The following ZFYVE16 variants were observed in gnomAD, a reference collection of about 807,000 sequenced individuals.
The protein encoded by ZFYVE16 is zinc finger FYVE domain-containing protein 16.
ZFYVE16 carries 89 observed loss-of-function variants against 138.1 expected under a neutral mutation model. The ratio of observed to expected loss-of-function variants is 0.64; its 90% CI spans 0.54 to 0.77. ZFYVE16 has a LOEUF of 0.77. Among genes scored for constraint, ZFYVE16 ranks in the 30% least tolerant of loss-of-function variants. The pLI, the probability that ZFYVE16 is intolerant of heterozygous loss-of-function variation, is 0.00. For missense variants in ZFYVE16, 1,793 were observed against 1,786.7 expected, an observed-to-expected ratio of 1.00 and a Z score of -0.06; for synonymous variants, 596 against 618.3, an observed-to-expected ratio of 0.96 and a Z score of 0.53.
chr5:80,453,132 GAGAA>G (rs1385847880), intron 11 of ZFYVE16, among the ~76,000 whole-genome samples: 4 of 152,166 alleles, frequency 2.6e-5, no homozygotes, highest in Non-Finnish European at 5.9e-5. Flanking sequence ...GACAAATTGA[GAGAA>G]AGAGAGAATC....
rs894819421 is a variant in ZFYVE16, at chr5:80,477,823, C to T, written c.*446C>T. The stretch of plus-strand genomic sequence containing the variant: ...TCTGTCAAATTGTATTTCAGTGGCA[C>T]AAAAACCAGTTTTGAGGTCTTAGAC... On this transcript the variant is annotated 3_prime_UTR_variant, in exon 19 of 19. Coordinates refer to ENST00000505560, the MANE Select transcript of ZFYVE16 (RefSeq NM_001284236.3). The T allele has an allele frequency of 1.3e-5, 2 of 152,244 alleles. No homozygotes were observed. Among genetic ancestry groups the T allele is most frequent in the African/African-American group, 4.8e-5 (2 of 41,422 alleles). The allele number at this position is 152,244 out of a possible 1,614,324, so 9.4% of individuals were successfully genotyped here.
chr5:80,418,444 C>G (rs1250378733), intron 1 of ZFYVE16, among the ~76,000 whole-genome samples: 1 of 151,844 alleles, frequency 6.6e-6, no homozygotes, highest in African/African-American at 2.4e-5. Flanking sequence ...TCTCAAGTAG[C>G]TAGAACTATA....
At chr5:80,468,613 A>G (rs1050194084) in intron 15 of ZFYVE16, among the ~76,000 whole-genome samples, 6 of 152,190 alleles carry the variant, frequency 3.9e-5, no homozygotes, top group Non-Finnish European at 8.8e-5. Flanking sequence ...TTTGTGGTAC[A>G]TGACTTTATG....
intron 2 of ZFYVE16, among the ~76,000 whole-genome samples, chr5:80,428,001 C>T (rs1321030572): frequency 5.3e-5 from 6 of 112,286 alleles, no homozygotes; most frequent in Admixed American, 3.9e-4. Context: ...AAAAAAGATG[C>T]GGTTCCAAGA....
chr5:80,448,017 A>T lies in ZFYVE16; in HGVS notation c.2725-9A>T, dbSNP rs756717444. 1 of 1,557,056 alleles carries T rather than the reference A, an allele frequency of 6.4e-7. No homozygotes were observed. Among genetic ancestry groups the T allele is most frequent in the Middle Eastern group, 1.7e-4 (1 of 5,780 alleles). On this transcript the variant is annotated splice_polypyrimidine_tract_variant and intron_variant, in intron 7 of 18. Coordinates refer to ENST00000505560, the MANE Select transcript of ZFYVE16 (RefSeq NM_001284236.3). ...TGATTTGTTATTTTTTTTATTACAT[A>T]TTTTACAGACAGTAAACACAGTGGA...
rs761997894 is a variant in ZFYVE16, at chr5:80,437,894, TAAAG to T, written c.1211_1214del (p.Lys404IlefsTer7). The T allele has an allele frequency of 6.2e-6, 10 of 1,613,950 alleles. No homozygotes were observed. The East Asian group carries it at 2.2e-4, about 36-fold the overall frequency. ...GTGATTTTTTACCTCAGCATGAACA[TAAAG>T]ATAATATACAAGATGCAGTGACTAT... is the stretch of plus-strand genomic sequence containing the variant. On this transcript the variant is annotated frameshift_variant, in exon 4 of 19. Transcript: ENST00000505560. LOFTEE classifies it high-confidence loss of function.
At chr5:80,459,299 G>T (rs2112488263) in intron 14 of ZFYVE16, 115 bp from the exon 15 acceptor site, 1 of 662,670 alleles carries the variant, frequency 1.5e-6, no homozygotes, top group East Asian at 2.9e-5. Flanking sequence ...AGTTTAAGTT[G>T]TGTGGGTATA....
intron 2 of ZFYVE16, among the ~76,000 whole-genome samples, chr5:80,430,087 A>T (rs1431150085): frequency 6.6e-6 from 1 of 152,238 alleles, no homozygotes; most frequent in Non-Finnish European, 1.5e-5. Flanking sequence ...CACCAAGCGG[A>T]CGTAATAGAC....
At position 80,439,921 on chromosome 5, in the gene ZFYVE16, T is replaced by C. The variant is rs1298363451; in HGVS notation, c.2323-15T>C. 1 of 1,595,048 alleles carries C rather than the reference T, an allele frequency of 6.3e-7. No individual in the cohort carries two copies. The highest frequency in any genetic ancestry group is 1.7e-5 in the Admixed American group (1 of 57,698). On this transcript the variant is annotated splice_polypyrimidine_tract_variant and intron_variant, in intron 4 of 18. Transcript: ENST00000505560. ...TCTTGAAACAAAGACAAATTTGATA[T>C]TTTATTCTTTATAGGTATTTTGTGG...
chr5:80,417,130 A>G (rs1299387537), intron 1 of ZFYVE16, among the ~76,000 whole-genome samples: 1 of 152,154 alleles, frequency 6.6e-6, no homozygotes. Flanking sequence ...TACTTGTTCA[A>G]TTTCAGTATA....
chr5:80,419,291 C>T (rs1026636794), intron 1 of ZFYVE16, among the ~76,000 whole-genome samples: 18 of 151,992 alleles, frequency 1.2e-4, no homozygotes, highest in African/African-American at 3.9e-4. Flanking sequence ...TTGCCCTGGC[C>T]GGTCTTGAAC....
intron 15 of ZFYVE16, 24 bp downstream of exon 15, chr5:80,459,518 G>A (rs757229912): frequency 3.8e-6 from 6 of 1,579,252 alleles, no homozygotes; most frequent in Non-Finnish European, 5.2e-6. Context: ...TTTTAATGGT[G>A]TTTTAATGTA....
chr5:80,456,578 G>T lies in ZFYVE16; in HGVS notation c.3795+13G>T. On this transcript the variant is annotated intron_variant, in intron 13 of 18. Transcript: ENST00000505560. ...AAAGTACAGTGATGTAAGTATAATT[G>T]TTTTATTCAAATGACAATTATTGAA... 6.3e-7 allele frequency: 1 copy of T among 1,589,884 alleles called. No homozygotes were observed. The highest frequency in any genetic ancestry group is 8.6e-7 in the Non-Finnish European group (1 of 1,163,708).
chr5:80,415,599 T>C (rs926757994), intron 1 of ZFYVE16, among the ~76,000 whole-genome samples: 1 of 152,218 alleles, frequency 6.6e-6, no homozygotes, highest in African/African-American at 2.4e-5. Context: ...TGGGGTAATG[T>C]GTTTCGGAGA....
chr5:80,443,308 A>C, intron 6 of ZFYVE16, 24 bp downstream of exon 6: 1 of 1,589,062 alleles, frequency 6.3e-7, no homozygotes, highest in Non-Finnish European at 8.5e-7. Flanking sequence ...ACTGTGTCTT[A>C]GACTAAAGAT....
intron 5 of ZFYVE16, chr5:80,441,018 TTA>T: frequency 1.0e-6 from 1 of 985,458 alleles, no homozygotes; most frequent in Non-Finnish European, 1.2e-6. Flanking sequence ...GTAAATCTTT[TTA>T]TGTTTCCATG....
At chr5:80,476,443 T>C (rs1188879418) in intron 18 of ZFYVE16, among the ~76,000 whole-genome samples, 1 of 152,236 alleles carries the variant, frequency 6.6e-6, no homozygotes, top group Admixed American at 6.5e-5. Flanking sequence ...ATTGTAGGCA[T>C]GAGCCACCAC....
intron 16 of ZFYVE16, 56 bp from the exon 17 acceptor site, chr5:80,473,694 AATTC>A: frequency 8.1e-7 from 1 of 1,228,468 alleles, no homozygotes; most frequent in Non-Finnish European, 1.1e-6. Flanking sequence ...CAAATCTAAT[AATTC>A]ATTTCAAAAA....
At chr5:80,463,007 C>T (rs755192931) in intron 15 of ZFYVE16, among the ~76,000 whole-genome samples, 3 of 152,238 alleles carry the variant, frequency 2.0e-5, no homozygotes, top group Admixed American at 6.5e-5. Flanking sequence ...TTGCAGGGTA[C>T]AGCCTCTCCC....
Sources: gnomAD v4.1 joint callset for allele counts (sites outside exome capture counted in the v4.1 genomes callset) on GRCh38, gnomAD v4.1.1 for gene constraint, MANE v1.5 for transcripts, NCBI Gene and HGNC (gene_info 2026-07-23, HGNC 2026-07-21) for gene names.